ROBO2: variants seen among roughly 807,000 people sequenced by gnomAD.
ROBO2 encodes roundabout homolog 2.
In ROBO2, 53 loss-of-function variants were observed where a neutral mutation model predicts 160.8. That is an observed-to-expected ratio of 0.33 (90% CI 0.26 to 0.41). ROBO2 has a LOEUF of 0.41. ROBO2 is among the 10% of genes least tolerant of loss of function. ROBO2 has a pLI of 1.00. For synonymous variants in ROBO2, 664 were observed against 611.7 expected (o/e 1.09, Z -1.26); for missense variants, 1,577 against 1,722.4 (o/e 0.92, Z 1.49).
chr3:76,774,688 G>T lies in ROBO2; in HGVS notation c.110-323326G>T, dbSNP rs76351217. On this transcript the variant is annotated intron_variant, in intron 2 of 26. Transcript: ENST00000487694. ...GAAGCACCCTCTATATAGTTTATAG[G>T]GCTGTAATTATTTGCGTTTGAAAGA... Among the ~76,000 whole-genome samples, 336 of 150,802 alleles carry T rather than the reference G, an allele frequency of 2.2e-3. 1 individual carries two copies. The highest frequency in any genetic ancestry group is 0.013 in the East Asian group (64 of 5,084).
intron 2 of ROBO2, among the ~76,000 whole-genome samples, chr3:76,433,079 T>C (rs2076511488): frequency 6.6e-6 from 1 of 152,200 alleles, no homozygotes; most frequent in Non-Finnish European, 1.5e-5. Context: ...TTTTCCATAA[T>C]TAGTAAAATA....
chr3:77,165,664 A>ACAT (rs1446431428), intron 2 of ROBO2, among the ~76,000 whole-genome samples: 1 of 152,220 alleles, frequency 6.6e-6, no homozygotes, highest in African/African-American at 2.4e-5. Flanking sequence ...TTGAAGTATA[A>ACAT]CATATATACA....
intron 2 of ROBO2, among the ~76,000 whole-genome samples, chr3:76,258,043 T>G (rs1455293421): frequency 6.6e-6 from 1 of 152,116 alleles, no homozygotes; most frequent in East Asian, 1.9e-4. Context: ...CACTAATCTG[T>G]TAGCCTAGAG....
intron 2 of ROBO2, among the ~76,000 whole-genome samples, chr3:76,033,032 C>A (rs1210994573): frequency 2.6e-5 from 4 of 151,874 alleles, no homozygotes; most frequent in African/African-American, 9.7e-5. Context: ...GAAACCCAAA[C>A]ACATTCTGAC....
At chr3:75,975,033 A>G (rs868099675) in intron 2 of ROBO2, among the ~76,000 whole-genome samples, 2 of 148,598 alleles carry the variant, frequency 1.3e-5, no homozygotes, top group African/African-American at 2.4e-5. Flanking sequence ...CTTTTTCACA[A>G]TGGCTAAAAA....
chr3:77,545,885 A>G (rs2092679441), intron 6 of ROBO2, among the ~76,000 whole-genome samples: 1 of 152,090 alleles, frequency 6.6e-6, no homozygotes, highest in African/African-American at 2.4e-5. Flanking sequence ...ACCCTTTGGT[A>G]TCCCTGTGCC....
chr3:76,438,745 A>T (rs571210489), intron 2 of ROBO2, among the ~76,000 whole-genome samples: 13 of 152,138 alleles, frequency 8.5e-5, no homozygotes, highest in Non-Finnish European at 1.3e-4. Context: ...TGGTTAATGC[A>T]GAAACATCTT....
In ROBO2 at chr3:76,917,051, T is replaced by G. The variant is rs111506201; in HGVS notation, c.110-180963T>G. ...AAAAGGGGGCCTTTAAATTTTAGTG[T>G]CTCTTAAAGGCAGGCGTTGATAATG... On this transcript the variant is annotated intron_variant, in intron 2 of 26. Coordinates refer to the ROBO2 transcript ENST00000487694. 5.5e-3 allele frequency among the ~76,000 whole-genome samples: 835 copies of G among 152,192 alleles called. 3 individuals are homozygous for G. The highest frequency in any genetic ancestry group is 0.019 in the African/African-American group (805 of 41,512).
intron 2 of ROBO2, among the ~76,000 whole-genome samples, chr3:76,621,739 T>C (rs2089102010): frequency 6.6e-6 from 1 of 152,232 alleles, no homozygotes; most frequent in Admixed American, 6.5e-5. Flanking sequence ...GTTACTGCTA[T>C]TAGTTTTAAT....
chr3:76,452,322 C>G (rs2077516368), intron 2 of ROBO2, among the ~76,000 whole-genome samples: 1 of 152,036 alleles, frequency 6.6e-6, no homozygotes, highest in South Asian at 2.1e-4. Flanking sequence ...TGCTATCCCT[C>G]CCCCTTCCCC....
At chr3:76,495,165 C>T (rs1048217740) in intron 2 of ROBO2, among the ~76,000 whole-genome samples, 1 of 151,278 alleles carries the variant, frequency 6.6e-6, no homozygotes, top group Admixed American at 6.6e-5. Flanking sequence ...CTTTAGTATA[C>T]CATTAATTTT....
chr3:76,934,457 C>T (rs2077555992), intron 2 of ROBO2, among the ~76,000 whole-genome samples: 1 of 151,430 alleles, frequency 6.6e-6, no homozygotes, highest in African/African-American at 2.4e-5. Context: ...GAAAAAAAAA[C>T]TTTGGCTGGG....
intron 2 of ROBO2, among the ~76,000 whole-genome samples, chr3:76,134,960 C>A (rs2106706872): frequency 6.6e-6 from 1 of 152,120 alleles, no homozygotes; most frequent in South Asian, 2.1e-4. Flanking sequence ...GATTGTTGAC[C>A]ATATAATGAT....
chr3:76,018,309 T>C (rs528976681), intron 2 of ROBO2, among the ~76,000 whole-genome samples: 1 of 152,002 alleles, frequency 6.6e-6, no homozygotes, highest in African/African-American at 2.4e-5. Context: ...ATTGTTGATA[T>C]GTATTTAGGA....
At chr3:77,581,893 G>A (rs149512172) in intron 16 of ROBO2, among the ~76,000 whole-genome samples, 2 of 152,082 alleles carry the variant, frequency 1.3e-5, no homozygotes, top group Non-Finnish European at 2.9e-5. Context: ...TCATCTATAA[G>A]TTTGTGTTTC....
Position 76,039,350 on chromosome 3 carries a change from A to T in ROBO2, c.109+101748A>T, listed in dbSNP as rs1231593904. Among the ~76,000 whole-genome samples the T allele has an allele frequency of 3.3e-5, 5 of 152,010 alleles. 1 individual carries two copies. Among genetic ancestry groups the T allele is most frequent in the Admixed American group, 2.0e-4 (3 of 15,268 alleles). On this transcript the variant is annotated intron_variant, in intron 2 of 26. Transcript: ENST00000487694. ...TGGTCTATTTTTTTTAGGCAGCATC[A>T]GGAGTTCATTTGACAGTAAGGACAA...
intron 2 of ROBO2, among the ~76,000 whole-genome samples, chr3:76,948,391 TTATAA>T (rs2078702118): frequency 6.6e-6 from 1 of 151,960 alleles, no homozygotes; most frequent in African/African-American, 2.4e-5. Flanking sequence ...TTTCCTAGTA[TTATAA>T]TAAAATATAT....
chr3:76,197,865 G>A (rs1313022882), intron 2 of ROBO2, among the ~76,000 whole-genome samples: 1 of 152,136 alleles, frequency 6.6e-6, no homozygotes, highest in Non-Finnish European at 1.5e-5. Flanking sequence ...TTTTTGCAAA[G>A]GGTGAGAAAA....
At chr3:76,514,273 TC>T (rs1289623630) in intron 2 of ROBO2, among the ~76,000 whole-genome samples, 2 of 151,962 alleles carry the variant, frequency 1.3e-5, no homozygotes, top group Non-Finnish European at 2.9e-5. Flanking sequence ...TTCAAGATTC[TC>T]CCCCCATGTT....
Sources: allele counts gnomAD v4.1 joint callset (sites outside exome capture counted in the v4.1 genomes callset), GRCh38; gene constraint gnomAD v4.1.1; transcripts MANE v1.5; gene names NCBI Gene and HGNC (gene_info 2026-07-23, HGNC 2026-07-21).